PLXNC1: variants seen among roughly 807,000 people sequenced by gnomAD.
PLXNC1 encodes the protein plexin-C1.
A neutral mutation model predicts 178.2 loss-of-function variants in PLXNC1; 75 were observed. The ratio of observed to expected loss-of-function variants is 0.42; its 90% CI spans 0.35 to 0.51. The LOEUF (loss-of-function observed/expected upper bound fraction) is 0.51. PLXNC1 is among the 20% of genes least tolerant of loss of function. The pLI is 0.02. For missense variants in PLXNC1, 1,503 were observed against 1,984.4 expected, an observed-to-expected ratio of 0.76 and a Z score of 4.61; for synonymous variants, 790 against 779.9, an observed-to-expected ratio of 1.01 and a Z score of -0.22.
At chr12:94,269,836 T>G (rs1965467230) in intron 21 of PLXNC1, among the ~76,000 whole-genome samples, 1 of 152,226 alleles carries the variant, frequency 6.6e-6, no homozygotes, top group South Asian at 2.1e-4. Context: ...TGTTCTGAGC[T>G]TCCTGATCAA....
chr12:94,186,584 C>G (rs1000207050), intron 4 of PLXNC1, 111 bp downstream of exon 4: 2 of 697,086 alleles, frequency 2.9e-6, no homozygotes, highest in Non-Finnish European at 5.2e-6. Flanking sequence ...GGGAACTGAT[C>G]TCTTCCTCGA....
intron 15 of PLXNC1, among the ~76,000 whole-genome samples, chr12:94,252,858 T>C (rs1352984571): frequency 6.6e-6 from 1 of 152,228 alleles, no homozygotes; most frequent in East Asian, 1.9e-4. Flanking sequence ...TCTGAGCTGC[T>C]TGTCATTTGA....
At chr12:94,264,939 G>T in intron 20 of PLXNC1, 140 bp from the exon 21 acceptor site, 1 of 827,866 alleles carries the variant, frequency 1.2e-6, no homozygotes, top group East Asian at 2.4e-5. Flanking sequence ...GTGGAGCAAC[G>T]TGTATTTTCT....
intron 10 of PLXNC1, among the ~76,000 whole-genome samples, chr12:94,239,543 T>C (rs1964325289): frequency 6.6e-6 from 1 of 152,216 alleles, no homozygotes; most frequent in African/African-American, 2.4e-5. Flanking sequence ...ACATGGCCTT[T>C]AAGTAGTAAT....
chr12:94,203,919 CA>C (rs978135185), intron 4 of PLXNC1, among the ~76,000 whole-genome samples: 8 of 152,182 alleles, frequency 5.3e-5, no homozygotes, highest in African/African-American at 1.9e-4. Flanking sequence ...GGATTAATGC[CA>C]ATCATAGAAG....
intron 2 of PLXNC1, among the ~76,000 whole-genome samples, chr12:94,175,800 C>T (rs548527032): frequency 6.6e-6 from 1 of 151,864 alleles, no homozygotes; most frequent in East Asian, 2.0e-4. Context: ...GTGAACAAAA[C>T]AGACAATGCC....
chr12:94,234,784 T>A (rs908719741), intron 9 of PLXNC1, among the ~76,000 whole-genome samples: 4 of 152,236 alleles, frequency 2.6e-5, no homozygotes, highest in Admixed American at 6.5e-5. Flanking sequence ...GGCTACTATA[T>A]GCCAGGTTTT....
In PLXNC1 at chr12:94,265,178, C is replaced by T; in HGVS notation, c.3550C>T (p.Leu1184Phe). ...AATCACTTGCAAAGCCCTGTACACACTTAATGAAGACTGGCTGTTGTGGCA... is the reference window on the plus strand; with the variant it reads ...AATCACTTGCAAAGCCCTGTACACATTTAATGAAGACTGGCTGTTGTGGCA... ...DVITCKALYT[L>F]NEDWLLWQVP... The change falls in exon 21 of 31, where the codon CTT becomes TTT. Residue 1184 changes from leucine (L) to phenylalanine (F), a missense_variant. Coordinates refer to ENST00000258526, the MANE Select transcript of PLXNC1 (RefSeq NM_005761.3). 1.9e-6 allele frequency: 3 copies of T among 1,613,468 alleles called. No homozygotes were observed. Among genetic ancestry groups the T allele is most frequent in the Non-Finnish European group, 2.5e-6 (3 of 1,179,460 alleles).
chr12:94,158,871 A>T (rs910563338), intron 1 of PLXNC1, among the ~76,000 whole-genome samples: 3 of 152,190 alleles, frequency 2.0e-5, no homozygotes, highest in African/African-American at 7.2e-5. Context: ...GAGCCCTACA[A>T]CTTGCCACAC....
rs745776546 is a variant in PLXNC1 at position 94,149,169 on chromosome 12, C to T, written c.198C>T (p.Asp66=). ...TTGTGGCGAGCGGCAGCTGCCTGGA[C>T]CAGCTGGACTACAGCCTGGAGCACA... ...GVFVASGSCL[D]QLDYSLEHSL... The change falls in exon 1 of 31, where the codon GAC becomes GAT. Residue 66 remains aspartate, a synonymous_variant. Coordinates refer to ENST00000258526, the MANE Select transcript of PLXNC1 (RefSeq NM_005761.3). 6 of 1,591,184 alleles carry T rather than the reference C, an allele frequency of 3.8e-6. No individual in the cohort carries two copies. The highest frequency in any genetic ancestry group is 1.1e-5 in the South Asian group (1 of 88,872).
At chr12:94,294,364 TGATA>T (rs1461310510) in intron 23 of PLXNC1, 118 bp from the exon 24 acceptor site, 20 of 578,824 alleles carry the variant, frequency 3.5e-5, no homozygotes, top group Non-Finnish European at 5.8e-5. Context: ...TAGTAATTCT[TGATA>T]AATATTTGAT....
Position 94,260,851 on chromosome 12 carries a change from C to T in PLXNC1, c.3450+11C>T. On this transcript the variant is annotated intron_variant, in intron 20 of 30. Coordinates refer to ENST00000258526, the MANE Select transcript of PLXNC1 (RefSeq NM_005761.3). The surrounding 1 kb of genome is among the most constrained non-coding windows in gnomAD (Gnocchi z 4.4). ...TCTGGATTTCTCCGGGTAAGTGTCACATCCCTCAGCAATGTCAGAGGTAAG... is the reference window on the plus strand; with the variant it reads ...TCTGGATTTCTCCGGGTAAGTGTCATATCCCTCAGCAATGTCAGAGGTAAG... 1 of 1,612,174 alleles carries T rather than the reference C, an allele frequency of 6.2e-7. No individual in the cohort carries two copies. Among genetic ancestry groups the T allele is most frequent in the East Asian group, 2.2e-5 (1 of 44,856 alleles).
chr12:94,177,200 CGT>C (rs1962115988), intron 2 of PLXNC1, among the ~76,000 whole-genome samples: 1 of 11,876 alleles, frequency 8.4e-5, no homozygotes, highest in Admixed American at 9.0e-4. Context: ...TATATATATA[CGT>C]ATATATATAT....
At chr12:94,250,347 A>G (rs1592810982) in intron 14 of PLXNC1, among the ~76,000 whole-genome samples, 1 of 152,196 alleles carries the variant, frequency 6.6e-6, no homozygotes, top group African/African-American at 2.4e-5. Flanking sequence ...TAGTCAGGAC[A>G]GCCTACCAAG....
rs141102830 is a variant in PLXNC1 at position 94,250,558 on chromosome 12, C to T, written c.2779-868C>T. 5.6e-3 allele frequency among the ~76,000 whole-genome samples: 859 copies of T among 152,222 alleles called. 11 individuals carry two copies. The highest frequency in any genetic ancestry group is 0.019 in the African/African-American group (808 of 41,522). On this transcript the variant is annotated intron_variant, in intron 14 of 30. Transcript: ENST00000258526. ...CAGCATGAGTCCAAGGATGGAAACA[C>T]GCCTTAATACTTGTATGTACATCAG...
At chr12:94,244,736 G>A (rs1042957399) in intron 12 of PLXNC1, among the ~76,000 whole-genome samples, 5 of 152,200 alleles carry the variant, frequency 3.3e-5, no homozygotes, top group Non-Finnish European at 5.9e-5. Context: ...AATGGTTTGT[G>A]CATAATTTCC....
At chr12:94,305,014 G>C (rs2136241465) in intron 30 of PLXNC1, among the ~76,000 whole-genome samples, 167 bp from the exon 31 acceptor site, 1 of 152,308 alleles carries the variant, frequency 6.6e-6, no homozygotes, top group East Asian at 1.9e-4. Context: ...TTGATCCTGT[G>C]ATAAGGACTT....
chr12:94,167,482 A>G (rs1351392974), intron 1 of PLXNC1, among the ~76,000 whole-genome samples: 1 of 152,240 alleles, frequency 6.6e-6, no homozygotes, highest in Non-Finnish European at 1.5e-5. Flanking sequence ...TTTAATAAAA[A>G]TAACAGGCAT....
intron 3 of PLXNC1, among the ~76,000 whole-genome samples, chr12:94,184,993 C>G (rs1158131747): frequency 6.6e-6 from 1 of 152,130 alleles, no homozygotes; most frequent in African/African-American, 2.4e-5. Context: ...TAGCAGTAAC[C>G]AATACTTATT....
Sources: gnomAD v4.1 joint callset for allele counts (sites outside exome capture counted in the v4.1 genomes callset) on GRCh38, gnomAD v4.1.1 for gene constraint, Gnocchi (gnomAD v3.1) non-coding constraint, MANE v1.5 for transcripts, NCBI Gene and HGNC (gene_info 2026-07-23, HGNC 2026-07-21) for gene names.